UVRAG: variants seen among roughly 807,000 people sequenced by gnomAD.
UVRAG encodes the protein UV radiation resistance associated.
UVRAG carries 19 observed loss-of-function variants against 78.0 expected under a neutral mutation model. The observed-to-expected ratio is 0.24, with a 90% CI of 0.17 to 0.36. UVRAG has a LOEUF of 0.36. Among genes scored for constraint, UVRAG ranks in the 10% least tolerant of loss-of-function variants. The probability of loss-of-function intolerance (pLI) is 1.00; values close to 1 mark genes in which losing one functional copy is unlikely to be tolerated. For missense variants in UVRAG, 740 were observed against 853.8 expected (o/e 0.87, Z 1.66); for synonymous variants, 323 against 324.6 (o/e 1.00, Z 0.05).
chr11:76,119,142 C>T (rs1320953988), intron 14 of UVRAG, among the ~76,000 whole-genome samples: 1 of 152,160 alleles, frequency 6.6e-6, no homozygotes, highest in African/African-American at 2.4e-5. Context: ...AACATAGACC[C>T]AAACTCAAAG....
chr11:76,106,711 T>C (rs1951977913), intron 13 of UVRAG, among the ~76,000 whole-genome samples: 3 of 152,068 alleles, frequency 2.0e-5, no homozygotes, highest in South Asian at 4.1e-4. Context: ...AAGCTTTAGC[T>C]GTGAAGGGAA....
intron 13 of UVRAG, among the ~76,000 whole-genome samples, chr11:76,098,348 T>C (rs1489147298): frequency 6.6e-6 from 1 of 152,150 alleles, no homozygotes; most frequent in Non-Finnish European, 1.5e-5. Flanking sequence ...ACAATAATTC[T>C]GTCAAGCAGG....
At chr11:75,906,715 C>G (rs572462504) in intron 5 of UVRAG, among the ~76,000 whole-genome samples, 1 of 152,170 alleles carries the variant, frequency 6.6e-6, no homozygotes, top group Non-Finnish European at 1.5e-5. Context: ...GTATTAAGGA[C>G]AGGTCCAACT....
intron 12 of UVRAG, among the ~76,000 whole-genome samples, chr11:76,055,065 G>A (rs76695855): frequency 0.021 from 3,263 of 152,140 alleles, 51 homozygotes; most frequent in Non-Finnish European, 0.034. Context: ...CCTATAGGAA[G>A]CTGCCTACGA....
chr11:75,877,412 C>A (rs1462713858), intron 3 of UVRAG, among the ~76,000 whole-genome samples: 1 of 151,972 alleles, frequency 6.6e-6, no homozygotes, highest in African/African-American at 2.4e-5. Context: ...CTCCTCACTT[C>A]CCAGTAGGGG....
chr11:75,827,310 G>A (rs758498338), intron 1 of UVRAG, among the ~76,000 whole-genome samples: 2 of 151,748 alleles, frequency 1.3e-5, no homozygotes, highest in African/African-American at 2.4e-5. Context: ...TCATATTAGC[G>A]TATGTTAAAA....
intron 8 of UVRAG, among the ~76,000 whole-genome samples, chr11:75,996,980 G>A (rs1166094388): frequency 6.6e-6 from 1 of 151,996 alleles, no homozygotes; most frequent in Non-Finnish European, 1.5e-5. Context: ...TTCTTTAAGG[G>A]GAGAAATAAA....
chr11:76,120,410 T>C (rs759191937), intron 14 of UVRAG, among the ~76,000 whole-genome samples: 5 of 152,206 alleles, frequency 3.3e-5, no homozygotes, highest in African/African-American at 9.6e-5. Flanking sequence ...CATTGCAACC[T>C]GACTGCCCTT....
intron 12 of UVRAG, among the ~76,000 whole-genome samples, chr11:76,028,519 A>G (rs1464456610): frequency 6.6e-6 from 1 of 152,178 alleles, no homozygotes; most frequent in Non-Finnish European, 1.5e-5. Flanking sequence ...ATTCAAAGGA[A>G]AAGTCCTTGA....
chr11:76,137,406 C>G (rs1174848659), intron 14 of UVRAG: 3 of 456,060 alleles, frequency 6.6e-6, no homozygotes, highest in Non-Finnish European at 1.3e-5. Flanking sequence ...ATCAGTGGCC[C>G]AGAGGCAACG....
rs545366681 is a variant in UVRAG at position 76,023,967 on chromosome 11, C to T, written c.1226+6987C>T. ...ACATGGCTTATAAGGGATGAAGGGA[C>T]GCCTAGATGATTTTAAGCAAAAGAG... On this transcript the variant is annotated intron_variant, in intron 12 of 14. Coordinates refer to ENST00000356136, the MANE Select transcript of UVRAG (RefSeq NM_003369.4). 3.9e-5 allele frequency among the ~76,000 whole-genome samples: 6 copies of T among 151,922 alleles called. No individual in the cohort carries two copies. In the East Asian group the frequency reaches 9.6e-4, roughly 24 times the overall value.
intron 13 of UVRAG, 36 bp downstream of exon 13, chr11:76,065,824 A>T: frequency 1.3e-6 from 2 of 1,590,664 alleles, no homozygotes; most frequent in Middle Eastern, 1.7e-4. Context: ...CCTACTTCCC[A>T]TGCACAGCCT....
chr11:75,867,804 G>T (rs897250922), intron 3 of UVRAG, among the ~76,000 whole-genome samples: 1 of 152,146 alleles, frequency 6.6e-6, no homozygotes, highest in Non-Finnish European at 1.5e-5. Context: ...AATTTAAATT[G>T]TTAAATATTA....
intron 5 of UVRAG, among the ~76,000 whole-genome samples, chr11:75,898,416 G>T (rs1947400892): frequency 6.6e-6 from 1 of 151,988 alleles, no homozygotes; most frequent in Non-Finnish European, 1.5e-5. Context: ...GTAGTTTTTT[G>T]AATTGTCTAT....
intron 7 of UVRAG, among the ~76,000 whole-genome samples, chr11:75,968,930 C>T (rs967343691): frequency 9.2e-5 from 14 of 152,120 alleles, no homozygotes; most frequent in South Asian, 6.2e-4. Flanking sequence ...ATTGTTTCTT[C>T]GTTCCTTTTT....
At chr11:76,017,611 C>A (rs1362501378) in intron 12 of UVRAG, among the ~76,000 whole-genome samples, 2 of 151,828 alleles carry the variant, frequency 1.3e-5, no homozygotes, top group Non-Finnish European at 2.9e-5. Context: ...AGCTGAATAT[C>A]AAAGAGAAAG....
At chr11:76,140,641 C>T (rs944229091) in intron 14 of UVRAG, 70 bp from the exon 15 acceptor site, 1 of 1,426,034 alleles carries the variant, frequency 7.0e-7, no homozygotes, top group African/African-American at 1.4e-5. Context: ...TGTTCCCTGT[C>T]TCTGGATCCA....
At chr11:75,857,044 A>G (rs1462924933) in intron 2 of UVRAG, among the ~76,000 whole-genome samples, 3 of 152,216 alleles carry the variant, frequency 2.0e-5, no homozygotes, top group Non-Finnish European at 4.4e-5. Flanking sequence ...ATCAAAATAT[A>G]TCCATAACCT....
At chr11:75,888,972 A>G (rs2134929708) in intron 5 of UVRAG, 69 bp downstream of exon 5, 1 of 1,286,364 alleles carries the variant, frequency 7.8e-7, no homozygotes, top group East Asian at 2.5e-5. Context: ...TACAGGGTAG[A>G]TATAATCCTG....
Sources: allele counts gnomAD v4.1 joint callset (sites outside exome capture counted in the v4.1 genomes callset), GRCh38; gene constraint gnomAD v4.1.1; transcripts MANE v1.5; gene names NCBI Gene and HGNC (gene_info 2026-07-23, HGNC 2026-07-21).